Variants in CAVIN4 observed in about 807,000 individuals in gnomAD.
CAVIN4 encodes caveolae-associated protein 4.
In CAVIN4, 10 loss-of-function variants were observed where a neutral mutation model predicts 18.6. The observed-to-expected ratio is 0.54, with a 90% CI of 0.33 to 0.91. The LOEUF is 0.91. CAVIN4 is among the 40% of genes least tolerant of loss of function. CAVIN4 has a pLI of 0.02. For synonymous variants in CAVIN4, 173 were observed against 164.8 expected, an observed-to-expected ratio of 1.05 and a Z score of -0.38; for missense variants, 459 against 440.5, an observed-to-expected ratio of 1.04 and a Z score of -0.38.
intron 1 of CAVIN4, among the ~76,000 whole-genome samples, chr9:100,581,850 C>T (rs942222570): frequency 6.6e-6 from 1 of 152,158 alleles, no homozygotes; most frequent in Non-Finnish European, 1.5e-5. Flanking sequence ...CTACTCCCTG[C>T]AGCAGGTGTC....
Position 100,578,462 on chromosome 9 carries a change from G to T in CAVIN4, c.319G>T (p.Val107Leu). 7.4e-6 allele frequency: 12 copies of T among 1,614,032 alleles called. No individual in the cohort carries two copies. Among genetic ancestry groups the T allele is most frequent in the Non-Finnish European group, 1.0e-5 (12 of 1,179,970 alleles). ...TCACATTAAAGATGTGAAAGCCCGG[G>T]TGGAGAAGCAACAAATTCATGTTAA... ...SAHIKDVKAR[V>L]EKQQIHVKKV... Residue 107 changes from valine (V) to leucine (L), a missense_variant, in exon 1 of 2, where the codon GTG becomes TTG. Transcript: ENST00000307584.
intron 1 of CAVIN4, among the ~76,000 whole-genome samples, chr9:100,584,335 C>G (rs988609493): frequency 3.9e-5 from 6 of 152,114 alleles, no homozygotes; most frequent in Admixed American, 2.0e-4. Flanking sequence ...CTTTTGTCTT[C>G]AAAGAAGCTT....
chr9:100,582,324 G>T (rs374260761), intron 1 of CAVIN4, among the ~76,000 whole-genome samples: 3,392 of 148,226 alleles, frequency 0.023, 54 homozygotes, highest in Middle Eastern at 0.055. Flanking sequence ...CATTTGACAC[G>T]ATTGGACCTC....
intron 1 of CAVIN4, 49 bp downstream of exon 1, chr9:100,578,600 T>G (rs1454523561): frequency 6.3e-7 from 1 of 1,579,268 alleles, no homozygotes; most frequent in African/African-American, 1.3e-5. Flanking sequence ...TCTTGCATCT[T>G]TTAATTGCCA....
chr9:100,585,200 A>G (rs1470020983), intron 1 of CAVIN4, among the ~76,000 whole-genome samples: 1 of 152,186 alleles, frequency 6.6e-6, no homozygotes, highest in Non-Finnish European at 1.5e-5. Flanking sequence ...ACATTGGTAG[A>G]GGGAATGAAG....
At chr9:100,578,826 G>A (rs1839399288) in intron 1 of CAVIN4, among the ~76,000 whole-genome samples, 1 of 152,126 alleles carries the variant, frequency 6.6e-6, no homozygotes, top group East Asian at 1.9e-4. Context: ...CTTAATATTG[G>A]TAAGGCCCTT....
chr9:100,577,799 A>G (rs926297430), upstream of CAVIN4, among the ~76,000 whole-genome samples: 1 of 152,140 alleles, frequency 6.6e-6, no homozygotes, highest in African/African-American at 2.4e-5. Context: ...TTTACCCAAC[A>G]TTTGGAGTTT....
chr9:100,584,650 TG>T (rs1232334979), intron 1 of CAVIN4, among the ~76,000 whole-genome samples: 2 of 152,220 alleles, frequency 1.3e-5, no homozygotes, highest in Non-Finnish European at 2.9e-5. Flanking sequence ...TTGAGGAAGT[TG>T]GGGACACTTG....
chr9:100,586,692 T>C lies in CAVIN4; in HGVS notation c.*241T>C. The C allele has an allele frequency of 3.0e-6, 1 of 338,478 alleles. No individual in the cohort carries two copies. Among genetic ancestry groups the C allele is most frequent in the East Asian group, 5.5e-5 (1 of 18,094 alleles). The allele number at this position is 338,478 out of a possible 1,614,324, so 21.0% of individuals were successfully genotyped here. A position where few individuals can be genotyped will look rare whatever the true frequency, so the allele number is the denominator to read the frequency against. ...TTTCCTAGGTTGGGCCAGTTACGTG[T>C]TTGGTAAGGGCAACTTTGCGGCCGT... On this transcript the variant is annotated 3_prime_UTR_variant, in exon 2 of 2. Coordinates refer to ENST00000307584, the MANE Select transcript of CAVIN4 (RefSeq NM_001018116.2).
upstream of CAVIN4, chr9:100,578,008 TA>T: frequency 1.3e-6 from 1 of 768,180 alleles, no homozygotes; most frequent in Non-Finnish European, 2.1e-6. Flanking sequence ...TTTGTAGTTA[TA>T]AATACTTGAC....
At chr9:100,582,588 C>T (rs1839439627) in intron 1 of CAVIN4, among the ~76,000 whole-genome samples, 3 of 152,162 alleles carry the variant, frequency 2.0e-5, no homozygotes, top group Admixed American at 2.0e-4. Context: ...CCACCTCAGC[C>T]TCCCAAAATG....
chr9:100,586,090 G>A lies in CAVIN4; in HGVS notation c.734G>A (p.Gly245Glu). ...TCAGGAGAGAGGCTGAGACAGTCAG[G>A]GGAGAGGCTGAGACAGTCAGGGGAG... ...RQSGERLRQS[G>E]ERLRQSGERF... The change falls in exon 2 of 2, where the codon GGG becomes GAG. Residue 245 changes from glycine (G) to glutamate (E), a missense_variant. Coordinates refer to ENST00000307584, the MANE Select transcript of CAVIN4 (RefSeq NM_001018116.2). The A allele has an allele frequency of 1.2e-6, 2 of 1,611,350 alleles. No homozygotes were observed. The highest frequency in any genetic ancestry group is 1.7e-6 in the Non-Finnish European group (2 of 1,178,286).
chr9:100,581,145 G>A (rs1391107768), intron 1 of CAVIN4: 1 of 152,132 alleles, frequency 6.6e-6, no homozygotes, highest in Non-Finnish European at 1.5e-5. Flanking sequence ...ATTAGTTTGA[G>A]AGCTTGTTTG....
Position 100,585,802 on chromosome 9 carries a change from A to G in CAVIN4, c.446A>G (p.Lys149Arg), listed in dbSNP as rs1839469539. Residue 149 changes from lysine (K) to arginine (R), a missense_variant, in exon 2 of 2, where the codon AAA (lysine) becomes AGA (arginine). Transcript: ENST00000307584. ...TGTCCGACATCCCTGTCTGTTGTTAAAGACAGAAACCTAACTGAGAACCAA... is the reference window on the plus strand; with the variant it reads ...TGTCCGACATCCCTGTCTGTTGTTAGAGACAGAAACCTAACTGAGAACCAA... ...FRCPTSLSVV[K>R]DRNLTENQEE... 2 of 1,614,002 alleles carry G rather than the reference A, an allele frequency of 1.2e-6. No individual in the cohort carries two copies. Among genetic ancestry groups the G allele is most frequent in the Admixed American group, 1.7e-5 (1 of 60,010 alleles).
chr9:100,578,846 T>G (rs534775998), intron 1 of CAVIN4, among the ~76,000 whole-genome samples: 1 of 152,372 alleles, frequency 6.6e-6, no homozygotes, highest in South Asian at 2.1e-4. Flanking sequence ...TTCAGCATAT[T>G]AGCCTTATTA....
rs13292418 is a variant in CAVIN4 at position 100,578,796 on chromosome 9, G to A, written c.408+245G>A. The stretch of plus-strand genomic sequence containing the variant: ...ATATGAACTGTGGCTCATAGCTTAG[G>A]CTATTTCTTGCCTTTGAAACTTAAT... On this transcript the variant is annotated intron_variant, in intron 1 of 1. Coordinates refer to ENST00000307584, the MANE Select transcript of CAVIN4 (RefSeq NM_001018116.2). 0.13 allele frequency among the ~76,000 whole-genome samples: 19,971 copies of A among 152,190 alleles called. 1,611 individuals carry two copies. Among genetic ancestry groups the A allele is most frequent in the Middle Eastern group, 0.22 (66 of 294 alleles).
rs114540433 is a variant in CAVIN4 at position 100,586,048 on chromosome 9, G to A, written c.692G>A (p.Arg231Lys). The A allele has an allele frequency of 1.5e-4, 239 of 1,603,358 alleles. 1 individual carries two copies. In the African/African-American group the frequency reaches 2.7e-3, roughly 18 times the overall value. The part of the protein sequence containing the change: ...IRTRIVTPER[R>K]ERLRQSGERL... Reference sequence around the variant, plus strand: ...ACTAGAATAGTGACCCCGGAGAGGAGAGAGAGGCTAAGGCAGTCAGGAGAG... The same window carrying A: ...ACTAGAATAGTGACCCCGGAGAGGAAAGAGAGGCTAAGGCAGTCAGGAGAG... Residue 231 changes from arginine (R) to lysine (K), a missense_variant, in exon 2 of 2, where the codon AGA becomes AAA. Arg to Lys is a conservative substitution (Grantham distance 26). Coordinates refer to ENST00000307584, the MANE Select transcript of CAVIN4 (RefSeq NM_001018116.2).
chr9:100,586,309 A>C lies in CAVIN4; in HGVS notation c.953A>C (p.Glu318Ala). The change falls in exon 2 of 2, where the codon GAA (glutamate) becomes GCA (alanine). Residue 318 changes from glutamate (E) to alanine (A), a missense_variant. By Grantham distance (107) the Glu-to-Ala change is moderately radical. Transcript: ENST00000307584. ...TACTCTGATGAGCTCAGTGAACCAG[A>C]ACACGAGGCAGCCAGGCCGGTGTAT... Reference protein sequence around the residue: ...ELYSDELSEPEHEAARPVYPP... With the variant: ...ELYSDELSEPAHEAARPVYPP... 6.2e-7 allele frequency: 1 copy of C among 1,613,722 alleles called. No individual in the cohort carries two copies. Among genetic ancestry groups the C allele is most frequent in the East Asian group, 2.2e-5 (1 of 44,872 alleles).
intron 1 of CAVIN4, among the ~76,000 whole-genome samples, chr9:100,584,999 A>T (rs999992212): frequency 6.6e-6 from 1 of 152,248 alleles, no homozygotes; most frequent in African/African-American, 2.4e-5. Context: ...CCTTCTAATC[A>T]TACTGAAGAA....
Sources: gnomAD v4.1 joint callset for allele counts (sites outside exome capture counted in the v4.1 genomes callset) on GRCh38, gnomAD v4.1.1 for gene constraint, MANE v1.5 for transcripts, NCBI Gene and HGNC (gene_info 2026-07-23, HGNC 2026-07-21) for gene names.